Variants in LYRM4 observed in about 807,000 individuals in gnomAD.
LYRM4 encodes the protein LYR motif containing 4, also known as LYR motif-containing protein 4.
In LYRM4, 9 loss-of-function variants were observed where a neutral mutation model predicts 11.7. The observed-to-expected ratio is 0.77, with a 90% CI of 0.46 to 1.34. The LOEUF (loss-of-function observed/expected upper bound fraction) is 1.34, where lower values mean the gene tolerates loss of function less well. Ranked by LOEUF, LYRM4 falls within the 40% of genes most tolerant of loss-of-function variation. The pLI is 0.00. For synonymous variants in LYRM4, 42 were observed against 40.4 expected, an observed-to-expected ratio of 1.04 and a Z score of -0.15; for missense variants, 133 against 112.5, an observed-to-expected ratio of 1.18 and a Z score of -0.82.
the LYRM4 span, chr6:5,085,781 TGCAGCA>T: frequency 7.2e-6 from 11 of 1,532,846 alleles, no homozygotes; most frequent in South Asian, 1.2e-5. Flanking sequence ...GCCAAGTTCC[TGCAGCA>T]GCAGCAGCAA....
At chr6:5,096,271 CTTGAGGCCAGGAGT>C in the LYRM4 span, among the ~76,000 whole-genome samples, 72 of 152,250 alleles carry the variant, frequency 4.7e-4, no homozygotes, top group African/African-American at 1.7e-3. Context: ...GGGAGGATTG[CTTGAGGCCAGGAGT>C]TTGAGACCAG....
the LYRM4 span, chr6:5,085,446 G>A: frequency 2.8e-6 from 4 of 1,435,662 alleles, no homozygotes; most frequent in South Asian, 2.5e-5. Flanking sequence ...CTCCAGAGGG[G>A]CCCGGTTCGG....
chr6:5,207,323 C>A (rs1347999924), intron 2 of LYRM4, among the ~76,000 whole-genome samples: 1 of 150,558 alleles, frequency 6.6e-6, no homozygotes, highest in Non-Finnish European at 1.5e-5. Context: ...GAAATGAGTG[C>A]ACACCCTCAT....
the LYRM4 span, among the ~76,000 whole-genome samples, chr6:5,048,702 T>G: frequency 6.6e-6 from 1 of 152,204 alleles, no homozygotes; most frequent in African/African-American, 2.4e-5. Context: ...TCATCACTTT[T>G]TGCTTCAGAG....
chr6:5,212,964 T>C (rs1393411449), intron 2 of LYRM4, among the ~76,000 whole-genome samples: 1 of 152,204 alleles, frequency 6.6e-6, no homozygotes, highest in Non-Finnish European at 1.5e-5. Flanking sequence ...GGCTAACAAA[T>C]GCTGATGTAT....
chr6:5,105,816 A>C (rs1382458850), downstream of LYRM4: 1 of 154,590 alleles, frequency 6.5e-6, no homozygotes, highest in Non-Finnish European at 1.4e-5. Flanking sequence ...TCTGTCTCAA[A>C]AAAACAAAAC....
At chr6:5,192,538 C>G (rs1760817691) in intron 2 of LYRM4, among the ~76,000 whole-genome samples, 1 of 152,162 alleles carries the variant, frequency 6.6e-6, no homozygotes, top group African/African-American at 2.4e-5. Context: ...AGCATTGGGA[C>G]AGTTAGGCCT....
At chr6:5,230,069 C>T (rs567373583) in intron 1 of LYRM4, among the ~76,000 whole-genome samples, 1 of 152,308 alleles carries the variant, frequency 6.6e-6, no homozygotes, top group East Asian at 1.9e-4. Flanking sequence ...ACGTGTTTAG[C>T]TTGTCTGCAG....
intron 1 of LYRM4, among the ~76,000 whole-genome samples, chr6:5,251,326 G>A (rs1400765202): frequency 1.3e-5 from 2 of 151,896 alleles, no homozygotes; most frequent in Non-Finnish European, 2.9e-5. Flanking sequence ...ATTCATATTA[G>A]GGTGGTATTT....
At chr6:5,088,973 C>T in the LYRM4 span, 2 of 152,206 alleles carry the variant, frequency 1.3e-5, no homozygotes, top group African/African-American at 2.4e-5. Flanking sequence ...AATGTGGCAT[C>T]TTACACAATG....
chr6:5,144,651 A>C (rs797022276), intron 2 of LYRM4, among the ~76,000 whole-genome samples: 1,872 of 150,278 alleles, frequency 0.012, 52 homozygotes, highest in African/African-American at 0.043. Context: ...AAAAAAAAAA[A>C]AAAAGAAATA....
chr6:5,065,735 G>T, the LYRM4 span: 3 of 210,422 alleles, frequency 1.4e-5, 1 homozygote, highest in Non-Finnish European at 2.9e-5. Context: ...TTCAAATTTG[G>T]TTTTCATGTC....
chr6:5,183,786 A>G (rs1760219773), intron 2 of LYRM4, among the ~76,000 whole-genome samples: 1 of 152,244 alleles, frequency 6.6e-6, no homozygotes, highest in African/African-American at 2.4e-5. Context: ...GCAAGCCTGA[A>G]TCTTATTTAA....
chr6:5,166,258 C>A (rs1258172452), intron 2 of LYRM4, among the ~76,000 whole-genome samples: 2 of 152,166 alleles, frequency 1.3e-5, no homozygotes, highest in Non-Finnish European at 2.9e-5. Flanking sequence ...CATAGAAAAA[C>A]TTTTAAAAAC....
At chr6:5,235,698 T>A (rs544597265) in intron 1 of LYRM4, among the ~76,000 whole-genome samples, 1 of 152,248 alleles carries the variant, frequency 6.6e-6, no homozygotes, top group African/African-American at 2.4e-5. Flanking sequence ...AGATTAAGTA[T>A]GTGGATGTAA....
chr6:5,117,062 G>A (rs1296733335), intron 2 of LYRM4, among the ~76,000 whole-genome samples: 2 of 152,138 alleles, frequency 1.3e-5, no homozygotes, highest in Non-Finnish European at 2.9e-5. Context: ...TGCCTATTTC[G>A]CAGAGTTGTT....
chr6:5,074,711 GTAAGGGAAGTGAT>G, the LYRM4 span, among the ~76,000 whole-genome samples: 548 of 151,800 alleles, frequency 3.6e-3, 4 homozygotes, highest in Non-Finnish European at 4.4e-3. Flanking sequence ...AGAAGCACAA[GTAAGGGAAGTGAT>G]TAAGGGAAGT....
intron 1 of LYRM4, among the ~76,000 whole-genome samples, chr6:5,224,002 C>T: frequency 6.6e-6 from 1 of 152,176 alleles, no homozygotes; most frequent in Non-Finnish European, 1.5e-5. Flanking sequence ...CTAGCAGCTT[C>T]CAGCAAGGAC....
the LYRM4 span, among the ~76,000 whole-genome samples, chr6:5,061,659 A>G: frequency 6.6e-6 from 1 of 152,180 alleles, no homozygotes; most frequent in African/African-American, 2.4e-5. Flanking sequence ...AAAAACGAAC[A>G]CAAAACCGAT....
Sources: gnomAD v4.1 joint callset for allele counts (sites outside exome capture counted in the v4.1 genomes callset) on GRCh38, gnomAD v4.1.1 for gene constraint, MANE v1.5 for transcripts, NCBI Gene and HGNC (gene_info 2026-07-23, HGNC 2026-07-21) for gene names.